Variants in PTPRA observed in about 807,000 individuals in gnomAD.
PTPRA encodes receptor-type tyrosine-protein phosphatase alpha.
Under a neutral mutation model 104.8 loss-of-function variants are expected in PTPRA, and 25 were observed. The observed-to-expected ratio is 0.24, with a 90% CI of 0.17 to 0.33. The LOEUF is 0.33. PTPRA is among the 10% of genes least tolerant of loss of function. The probability of loss-of-function intolerance (pLI) is 1.00; values close to 1 mark genes in which losing one functional copy is unlikely to be tolerated. For synonymous variants in PTPRA, 323 were observed against 368.9 expected, an observed-to-expected ratio of 0.88 and a Z score of 1.43; for missense variants, 765 against 1,015.3, an observed-to-expected ratio of 0.75 and a Z score of 3.35.
At chr20:3,005,664 C>CA (rs746617316) in intron 10 of PTPRA, among the ~76,000 whole-genome samples, 8 of 152,136 alleles carry the variant, frequency 5.3e-5, no homozygotes, top group Non-Finnish European at 1.2e-4. Context: ...TACTCAGAGT[C>CA]AATTAGGATG....
In PTPRA at chr20:3,017,758, T is replaced by C. The variant is rs1024592106; in HGVS notation, c.944-58T>C. 4.7e-6 allele frequency: 7 copies of C among 1,475,604 alleles called. No individual in the cohort carries two copies. The African/African-American group carries it at 9.7e-5, about 20-fold the overall frequency. The allele number at this position is 1,475,604 out of a possible 1,614,324, so 91.4% of individuals were successfully genotyped here. On this transcript the variant is annotated intron_variant, in intron 12 of 23. Coordinates refer to ENST00000399903, the MANE Select transcript of PTPRA (RefSeq NM_001385305.1). The stretch of plus-strand genomic sequence containing the variant: ...AAGTCAGGAATGGATGTTCCCAGCC[T>C]CCCAGCATCTTTCTTCTTGGTGTAT...
intron 2 of PTPRA, among the ~76,000 whole-genome samples, chr20:2,940,654 A>G (rs1434066203): frequency 6.6e-6 from 1 of 152,152 alleles, no homozygotes; most frequent in African/African-American, 2.4e-5. Flanking sequence ...TCGACCTCCC[A>G]GGCTCATGGG....
intron 17 of PTPRA, among the ~76,000 whole-genome samples, chr20:3,025,868 CA>C (rs560575967): frequency 0.11 from 7,530 of 68,020 alleles, 348 homozygotes; most frequent in African/African-American, 0.23. Context: ...GACTCTGTCT[CA>C]AAAAAAAAAA....
intron 2 of PTPRA, among the ~76,000 whole-genome samples, chr20:2,924,652 T>G: frequency 6.6e-6 from 1 of 152,022 alleles, no homozygotes. Flanking sequence ...TGGAAAGAGG[T>G]ATGAGAGAGC....
chr20:2,980,769 T>G (rs2062639936), intron 6 of PTPRA, among the ~76,000 whole-genome samples: 1 of 152,154 alleles, frequency 6.6e-6, no homozygotes, highest in South Asian at 2.1e-4. Context: ...TTTGAAAGAT[T>G]TATTCTGTTT....
chr20:2,877,629 G>A (rs1335066863), intron 1 of PTPRA, among the ~76,000 whole-genome samples: 1 of 152,054 alleles, frequency 6.6e-6, no homozygotes, highest in Non-Finnish European at 1.5e-5. Flanking sequence ...TAATAAAACT[G>A]AACAGCAGGC....
At position 2,983,837 on chromosome 20, in the gene PTPRA, G is replaced by A. The variant is rs1317741670; in HGVS notation, c.443-2928G>A. ...TTGAGAATCTGGAACTCAGAAAAGA[G>A]GTCTGATCAAGCAAAGCAACTGTGG... On this transcript the variant is annotated intron_variant, in intron 6 of 23. Coordinates refer to ENST00000399903, the MANE Select transcript of PTPRA (RefSeq NM_001385305.1). Among the ~76,000 whole-genome samples, 50 of 151,968 alleles carry A rather than the reference G, an allele frequency of 3.3e-4. 1 individual carries two copies. The highest frequency in any genetic ancestry group is 3.3e-3 in the Admixed American group (50 of 15,230).
intron 1 of PTPRA, among the ~76,000 whole-genome samples, chr20:2,887,659 C>G (rs568459160): frequency 6.6e-6 from 1 of 152,092 alleles, no homozygotes; most frequent in Non-Finnish European, 1.5e-5. Flanking sequence ...AATAGCTTAA[C>G]GAGCAACTAA....
chr20:3,032,577 C>G (rs549249664), intron 20 of PTPRA, among the ~76,000 whole-genome samples: 5 of 151,668 alleles, frequency 3.3e-5, no homozygotes, highest in East Asian at 3.9e-4. Context: ...ACCAGCCTGG[C>G]CAACATGGCA....
chr20:2,907,589 A>G (rs6132986), intron 1 of PTPRA, among the ~76,000 whole-genome samples: 6,467 of 152,270 alleles, frequency 0.042, 317 homozygotes, highest in Admixed American at 0.11. Flanking sequence ...TATTTTTACC[A>G]TTATCAATGA....
intron 5 of PTPRA, among the ~76,000 whole-genome samples, chr20:2,968,239 C>A (rs1001334558): frequency 6.6e-6 from 1 of 152,134 alleles, no homozygotes; most frequent in African/African-American, 2.4e-5. Context: ...TATTTTTCCC[C>A]CAGAATTTTT....
At chr20:2,981,565 T>C (rs1371633088) in intron 6 of PTPRA, among the ~76,000 whole-genome samples, 1 of 152,148 alleles carries the variant, frequency 6.6e-6, no homozygotes, top group Admixed American at 6.5e-5. Flanking sequence ...TAGTGTGACG[T>C]TGAGAAAATA....
In PTPRA at chr20:3,022,538, G is replaced by T; in HGVS notation, c.1329-151G>T. 1 of 1,076,048 alleles carries T rather than the reference G, an allele frequency of 9.3e-7. No homozygotes were observed. The highest frequency in any genetic ancestry group is 1.6e-5 in the South Asian group (1 of 61,044). 66.7% of individuals were successfully genotyped at this position (1,076,048 alleles called of 1,614,324 possible). A position where few individuals can be genotyped will look rare whatever the true frequency, so the allele number is the denominator to read the frequency against. ...GGAGGTCAGGATTCAGGACATACTG[G>T]AGTTGTTGGCTCCTGGAGAGCCCCA... On this transcript the variant is annotated intron_variant, in intron 15 of 23. Transcript: ENST00000399903. The surrounding 1 kb of genome is among the most constrained non-coding windows in gnomAD (Gnocchi z 4.6).
At chr20:2,918,476 A>C (rs887683682) in intron 1 of PTPRA, among the ~76,000 whole-genome samples, 1 of 152,208 alleles carries the variant, frequency 6.6e-6, no homozygotes, top group African/African-American at 2.4e-5. Flanking sequence ...ACTTCCTATG[A>C]ATGGCTCTGT....
chr20:3,002,682 T>A (rs1247284658), intron 9 of PTPRA, among the ~76,000 whole-genome samples: 1 of 152,176 alleles, frequency 6.6e-6, no homozygotes, highest in Middle Eastern at 3.2e-3. Flanking sequence ...TTTCCTTGTA[T>A]CATCATTTTT....
rs77444154 is a variant in PTPRA, at chr20:2,930,145, T to C, written c.-50+6860T>C. Among the ~76,000 whole-genome samples, 952 of 152,290 alleles carry C rather than the reference T, an allele frequency of 6.3e-3. 8 individuals carry two copies. Among genetic ancestry groups the C allele is most frequent in the African/African-American group, 0.021 (893 of 41,568 alleles). ...TTATGGCAGCCCTACCAAATGAATA[T>C]AGACATTTAAGAAGGCTTGGTGCAT... is the stretch of plus-strand genomic sequence containing the variant. On this transcript the variant is annotated intron_variant, in intron 2 of 23. Coordinates refer to ENST00000399903, the MANE Select transcript of PTPRA (RefSeq NM_001385305.1).
chr20:2,884,822 T>G (rs1354158499), intron 1 of PTPRA, among the ~76,000 whole-genome samples: 6 of 150,876 alleles, frequency 4.0e-5, no homozygotes, highest in East Asian at 3.9e-4. Flanking sequence ...GTTTTTTTTT[T>G]TTTTTGAGAC....
the PTPRA span, among the ~76,000 whole-genome samples, chr20:2,865,674 T>C: frequency 6.6e-6 from 1 of 152,218 alleles, no homozygotes; most frequent in African/African-American, 2.4e-5. This position sits in a 1 kb window ranked among gnomAD's most constrained non-coding sequence, Gnocchi z 5.2. Context: ...TTGGGTGCAC[T>C]GGAGGATGGG....
intron 3 of PTPRA, among the ~76,000 whole-genome samples, chr20:2,956,661 AAAATAAATAAATAAAT>A (rs3055404): frequency 7.3e-5 from 11 of 150,342 alleles, no homozygotes; most frequent in Admixed American, 3.3e-4. Context: ...TCAGTAAATA[AAAATAAATAAATAAAT>A]AAATAAATAA....
Sources: gnomAD v4.1 joint callset for allele counts (sites outside exome capture counted in the v4.1 genomes callset) on GRCh38, gnomAD v4.1.1 for gene constraint, Gnocchi (gnomAD v3.1) non-coding constraint, MANE v1.5 for transcripts, NCBI Gene and HGNC (gene_info 2026-07-23, HGNC 2026-07-21) for gene names.